Variants in ATP8B4 observed in about 807,000 individuals in gnomAD.
ATP8B4 encodes the protein ATPase phospholipid transporting 8B4 (putative), also known as probable phospholipid-transporting ATPase IM.
In ATP8B4, 133 loss-of-function variants were observed where a neutral mutation model predicts 145.6. The ratio of observed to expected loss-of-function variants is 0.91; its 90% CI spans 0.79 to 1.05. The LOEUF (loss-of-function observed/expected upper bound fraction) is 1.05. Among genes scored for constraint, ATP8B4 ranks in the 50% least tolerant of loss-of-function variants. ATP8B4 has a pLI of 0.00. For missense variants in ATP8B4, 1,458 were observed against 1,425.2 expected (o/e 1.02, Z -0.37); for synonymous variants, 507 against 492.9 (o/e 1.03, Z -0.38).
intron 1 of ATP8B4, among the ~76,000 whole-genome samples, chr15:50,149,721 C>A (rs1436276569): frequency 1.3e-5 from 2 of 152,116 alleles, no homozygotes; most frequent in African/African-American, 4.8e-5. Flanking sequence ...TAAGGCATTG[C>A]AGTGGGAAAG....
chr15:50,054,169 G>A (rs922849233), intron 3 of ATP8B4, among the ~76,000 whole-genome samples: 3 of 152,194 alleles, frequency 2.0e-5, no homozygotes, highest in Admixed American at 6.5e-5. Context: ...AATCTTCACA[G>A]CTTAACCCAG....
intron 20 of ATP8B4, among the ~76,000 whole-genome samples, chr15:49,910,248 G>A (rs2039090278): frequency 6.6e-6 from 1 of 152,098 alleles, no homozygotes. Context: ...AGATCAAGAA[G>A]AAGAGAGAAT....
intron 16 of ATP8B4, among the ~76,000 whole-genome samples, chr15:49,929,476 G>T (rs1470755354): frequency 1.3e-5 from 2 of 152,032 alleles, no homozygotes; most frequent in African/African-American, 4.8e-5. Context: ...AAAACTTTAG[G>T]TAACAATCCA....
chr15:50,001,671 C>T lies in ATP8B4; in HGVS notation c.506+482G>A, dbSNP rs187049049. ...AACTAAATCCTCTGAAACAGAACTG[C>T]TATATGGTCTATAACTAAATTCTAA... is the stretch of plus-strand genomic sequence containing the variant. On this transcript the variant is annotated intron_variant, in intron 8 of 27. Coordinates refer to ENST00000284509, the MANE Select transcript of ATP8B4 (RefSeq NM_024837.4). Among the ~76,000 whole-genome samples, 7 of 152,310 alleles carry T rather than the reference C, an allele frequency of 4.6e-5. No individual in the cohort carries two copies. In the East Asian group the frequency reaches 1.3e-3, roughly 29 times the overall value.
At chr15:49,913,134 T>C (rs1566975962) in intron 20 of ATP8B4, among the ~76,000 whole-genome samples, 1 of 150,632 alleles carries the variant, frequency 6.6e-6, no homozygotes, top group African/African-American at 2.5e-5. Context: ...CTTTTTTTTT[T>C]GTGTCTCAAA....
At position 50,089,653 on chromosome 15, in the gene ATP8B4, AC is replaced by A. The variant is rs540818852; in HGVS notation, c.29-15469del. ...CTAGTGAGGCTGTGGAGAAACAGGA[AC>A]TTTTTTTTTTCTTTCTTTCTTTTTT... On this transcript the variant is annotated intron_variant, in intron 2 of 27. Coordinates refer to ENST00000284509, the MANE Select transcript of ATP8B4 (RefSeq NM_024837.4). Among the ~76,000 whole-genome samples the A allele has an allele frequency of 1.8e-4, 28 of 151,896 alleles. No individual in the cohort carries two copies. The East Asian group carries it at 5.2e-3, about 28-fold the overall frequency.
intron 14 of ATP8B4, among the ~76,000 whole-genome samples, chr15:49,956,667 A>C (rs923558832): frequency 6.6e-6 from 1 of 152,062 alleles, no homozygotes; most frequent in Non-Finnish European, 1.5e-5. Flanking sequence ...TCAGCCTCTC[A>C]AGTGTCTAGG....
At chr15:50,115,721 A>T (rs77344310) in intron 1 of ATP8B4, among the ~76,000 whole-genome samples, 4,495 of 152,150 alleles carry the variant, frequency 0.03, 72 homozygotes, top group South Asian at 0.064. Context: ...CATTGTCCTC[A>T]TTGTCACTGC....
chr15:50,147,231 C>T (rs989879246), intron 1 of ATP8B4, among the ~76,000 whole-genome samples: 4 of 151,988 alleles, frequency 2.6e-5, no homozygotes, highest in South Asian at 2.1e-4. Flanking sequence ...GCCTGGGCAA[C>T]ATGGTAAAAC....
In ATP8B4 at chr15:50,068,202, G is replaced by A. The variant is rs1341756311; in HGVS notation, c.87+5925C>T. On this transcript the variant is annotated intron_variant, in intron 3 of 27. Coordinates refer to ENST00000284509, the MANE Select transcript of ATP8B4 (RefSeq NM_024837.4). ...AGAGAAGTTTGCTGACTGTGGAAAC[G>A]TACAAAGTCCTATTTAAATGGGCGG... is the stretch of plus-strand genomic sequence containing the variant. 5.3e-5 allele frequency among the ~76,000 whole-genome samples: 8 copies of A among 152,266 alleles called. No individual in the cohort carries two copies. In the East Asian group the frequency reaches 5.8e-4, roughly 11 times the overall value.
intron 25 of ATP8B4, among the ~76,000 whole-genome samples, chr15:49,875,640 T>C (rs1397578047): frequency 1.3e-5 from 2 of 152,198 alleles, no homozygotes; most frequent in Non-Finnish European, 2.9e-5. Context: ...CTAGACAAGC[T>C]TGGGCAACAT....
chr15:49,995,126 C>T (rs913191183), intron 9 of ATP8B4, among the ~76,000 whole-genome samples: 1 of 152,116 alleles, frequency 6.6e-6, no homozygotes, highest in Non-Finnish European at 1.5e-5. Flanking sequence ...TCTGAGCAAG[C>T]ATCTAGGAAA....
intron 1 of ATP8B4, among the ~76,000 whole-genome samples, chr15:50,126,197 T>C (rs1362370453): frequency 7.0e-6 from 1 of 143,340 alleles, no homozygotes; most frequent in African/African-American, 2.7e-5. Flanking sequence ...GATGAGTAGA[T>C]GAGTTAGGGA....
chr15:50,064,349 C>A (rs2053231707), intron 3 of ATP8B4, among the ~76,000 whole-genome samples: 1 of 152,104 alleles, frequency 6.6e-6, no homozygotes, highest in South Asian at 2.1e-4. Flanking sequence ...GCTAGAGACA[C>A]CAAGTCAAGG....
rs144610242 is a variant in ATP8B4 at position 49,918,853 on chromosome 15, G to C, written c.2021C>G (p.Thr674Arg). 3 of 1,609,478 alleles carry C rather than the reference G, an allele frequency of 1.9e-6. No individual in the cohort carries two copies. The highest frequency in any genetic ancestry group is 2.6e-6 in the Non-Finnish European group (3 of 1,176,452). Residue 674 changes from threonine (T) to arginine (R), a missense_variant, in exon 19 of 28, where the codon ACA becomes AGA. Physicochemically the swap from Thr to Arg is moderately conservative, Grantham distance 71. Transcript: ENST00000284509. Reference sequence around the variant, plus strand: ...TTTCAAGTTACCTTGTTTGTCTCCTGTTAGGACCCAGATCTTAATATTGGC... The same window carrying C: ...TTTCAAGTTACCTTGTTTGTCTCCTCTTAGGACCCAGATCTTAATATTGGC... Reference protein sequence around the residue: ...SLANIKIWVLTGDKQETAINI... With the variant: ...SLANIKIWVLRGDKQETAINI...
intron 5 of ATP8B4, among the ~76,000 whole-genome samples, chr15:50,040,108 T>A (rs2051158642): frequency 6.6e-6 from 1 of 152,224 alleles, no homozygotes; most frequent in Non-Finnish European, 1.5e-5. Flanking sequence ...AGCATTCGTC[T>A]CCACTCTGCC....
chr15:50,033,494 G>A (rs1243612829), intron 6 of ATP8B4, among the ~76,000 whole-genome samples: 1 of 152,200 alleles, frequency 6.6e-6, no homozygotes, highest in South Asian at 2.1e-4. Context: ...AGAATGAACA[G>A]AGAATCCTCA....
At chr15:50,097,430 C>T (rs28503500) in intron 2 of ATP8B4, among the ~76,000 whole-genome samples, 3,947 of 152,226 alleles carry the variant, frequency 0.026, 167 homozygotes, top group African/African-American at 0.092. Flanking sequence ...TGGCATTGAA[C>T]CTCCATGACC....
chr15:50,162,163 T>C (rs1397831513), intron 1 of ATP8B4, among the ~76,000 whole-genome samples: 1 of 152,100 alleles, frequency 6.6e-6, no homozygotes, highest in African/African-American at 2.4e-5. Flanking sequence ...GTATGTTACT[T>C]TTCTTGTATG....
Sources: gnomAD v4.1 joint callset for allele counts (sites outside exome capture counted in the v4.1 genomes callset) on GRCh38, gnomAD v4.1.1 for gene constraint, MANE v1.5 for transcripts, NCBI Gene and HGNC (gene_info 2026-07-23, HGNC 2026-07-21) for gene names.